The following TULP4 variants were observed in gnomAD, a reference collection of about 807,000 sequenced individuals.
TULP4 encodes the protein tubby-related protein 4.
A neutral mutation model predicts 129.0 loss-of-function variants in TULP4; 16 were observed. That is an observed-to-expected ratio of 0.12 (90% confidence interval 0.08 to 0.19). The LOEUF (loss-of-function observed/expected upper bound fraction) is 0.19, where lower values mean the gene tolerates loss of function less well. Among genes scored for constraint, TULP4 ranks in the 10% least tolerant of loss-of-function variants. The pLI, the probability that TULP4 is intolerant of heterozygous loss-of-function variation, is 1.00. For synonymous variants in TULP4, 998 were observed against 854.0 expected, an observed-to-expected ratio of 1.17 and a Z score of -2.94; for missense variants, 1,842 against 2,059.1, an observed-to-expected ratio of 0.89 and a Z score of 2.04.
At chr6:158,240,047 C>T (rs1419841632) in intron 1 of TULP4, among the ~76,000 whole-genome samples, 14 of 85,634 alleles carry the variant, frequency 1.6e-4, no homozygotes, top group East Asian at 5.0e-4. Context: ...GGGGGCTGAC[C>T]CCCCCACCTC....
intron 1 of TULP4, among the ~76,000 whole-genome samples, chr6:158,348,074 A>G (rs1246882814): frequency 1.3e-5 from 2 of 151,736 alleles, no homozygotes; most frequent in Non-Finnish European, 2.9e-5. Flanking sequence ...TATTTCTAGC[A>G]ATTGATCACT....
At chr6:158,265,252 T>A (rs1778426889) in intron 1 of TULP4, among the ~76,000 whole-genome samples, 1 of 152,212 alleles carries the variant, frequency 6.6e-6, no homozygotes, top group African/African-American at 2.4e-5. Flanking sequence ...ATTCCTGGTC[T>A]GATTCTTTTT....
chr6:158,276,786 TA>T (rs1469265344), intron 1 of TULP4, among the ~76,000 whole-genome samples: 2 of 152,112 alleles, frequency 1.3e-5, no homozygotes, highest in African/African-American at 4.8e-5. Flanking sequence ...TATATTTACA[TA>T]AATGTATATT....
At chr6:158,272,600 A>C (rs1047941922) in intron 1 of TULP4, among the ~76,000 whole-genome samples, 3 of 152,190 alleles carry the variant, frequency 2.0e-5, no homozygotes, top group Non-Finnish European at 4.4e-5. Context: ...CAGCTGCCTG[A>C]GATAGGTTTT....
rs1158093109 is a variant in TULP4, at chr6:158,493,586, G to A, written c.1645G>A (p.Ala549Thr). Reference sequence around the variant, plus strand: ...TTGCCTCCCCAGGATCAGCATTGAGGCCCGCAAGTCACCCAAGCTGCCCCG... The same window carrying A: ...TTGCCTCCCCAGGATCAGCATTGAGACCCGCAAGTCACCCAAGCTGCCCCG... ...SPKLPRISIE[A>T]RKSPKLPRAA... The change falls in exon 10 of 14, where the codon GCC becomes ACC. Residue 549 changes from alanine (A) to threonine (T), a missense_variant. Physicochemically the swap from Ala to Thr is moderately conservative, Grantham distance 58. Transcript: ENST00000367097. This position sits in a 1 kb window ranked among gnomAD's most constrained non-coding sequence, Gnocchi z 4.4. The A allele has an allele frequency of 2.6e-6, 4 of 1,544,258 alleles. No homozygotes were observed. The highest frequency in any genetic ancestry group is 2.4e-5 in the South Asian group (2 of 81,850).
intron 1 of TULP4, among the ~76,000 whole-genome samples, chr6:158,370,457 C>CAA (rs533005080): frequency 0.055 from 1,581 of 28,868 alleles, 238 homozygotes; most frequent in Non-Finnish European, 0.058. Flanking sequence ...AACTCCATCT[C>CAA]AAAAAAAAAA....
At chr6:158,288,440 A>T (rs1018267946) in intron 1 of TULP4, among the ~76,000 whole-genome samples, 4 of 152,082 alleles carry the variant, frequency 2.6e-5, no homozygotes, top group African/African-American at 9.7e-5. Context: ...TTGTAGGTAA[A>T]TATCCTTTAT....
intron 1 of TULP4, among the ~76,000 whole-genome samples, chr6:158,299,138 C>T (rs1286012144): frequency 1.3e-5 from 2 of 148,302 alleles, no homozygotes; most frequent in Admixed American, 6.8e-5. Context: ...AGGCCTCGGT[C>T]GGGGTGGGGG....
At chr6:158,452,342 A>C in intron 5 of TULP4, 74 bp downstream of exon 5, 1 of 1,561,298 alleles carries the variant, frequency 6.4e-7, no homozygotes, top group East Asian at 2.3e-5. Flanking sequence ...GGTCTTGTAC[A>C]CTCTGTGCTT....
At position 158,503,342 on chromosome 6, in the gene TULP4, C is replaced by T; in HGVS notation, c.3679C>T (p.Leu1227Phe). 6 of 1,613,732 alleles carry T rather than the reference C, an allele frequency of 3.7e-6. No homozygotes were observed. Among genetic ancestry groups the T allele is most frequent in the Non-Finnish European group, 3.4e-6 (4 of 1,179,948 alleles). ...QFAQQEPAVV[L>F]QPLYPPSLSY... ...TGCACAACAGGAGCCTGCTGTGGTC[C>T]TTCAGCCGCTGTACCCACCCAGCCT... Residue 1227 changes from leucine to phenylalanine, a missense_variant, in exon 13 of 14, where the codon CTT becomes TTT. Transcript: ENST00000367097. The surrounding 1 kb of genome is among the most constrained non-coding windows in gnomAD (Gnocchi z 4.3).
In TULP4 at chr6:158,493,556, T is replaced by A; in HGVS notation, c.1632-17T>A. On this transcript the variant is annotated splice_polypyrimidine_tract_variant and intron_variant, in intron 9 of 13. Coordinates refer to ENST00000367097, the MANE Select transcript of TULP4 (RefSeq NM_020245.5). This position sits in a 1 kb window ranked among gnomAD's most constrained non-coding sequence, Gnocchi z 4.4. The stretch of plus-strand genomic sequence containing the variant: ...CCCGCCACGGATGCCTGACCCCTCC[T>A]GGCCTTGCCTCCCCAGGATCAGCAT... 1.4e-6 allele frequency: 2 copies of A among 1,479,730 alleles called. No homozygotes were observed. Among genetic ancestry groups the A allele is most frequent in the Non-Finnish European group, 1.8e-6 (2 of 1,114,116 alleles). The allele number at this position is 1,479,730 out of a possible 1,614,324, so 91.7% of individuals were successfully genotyped here. A position where few individuals can be genotyped will look rare whatever the true frequency, so the allele number is the denominator to read the frequency against.
intron 1 of TULP4, among the ~76,000 whole-genome samples, chr6:158,284,868 G>A (rs1778810179): frequency 6.6e-6 from 1 of 152,234 alleles, no homozygotes; most frequent in African/African-American, 2.4e-5. Flanking sequence ...TTCCTTGCCT[G>A]TGGAATGGGG....
chr6:158,314,385 C>T (rs1040407275), intron 1 of TULP4, 117 bp downstream of exon 1: 2 of 1,250,744 alleles, frequency 1.6e-6, no homozygotes, highest in African/African-American at 1.5e-5. Flanking sequence ...TGAGACTTCC[C>T]ATGCTGTGAG....
chr6:158,377,959 G>A (rs1237692871), intron 1 of TULP4, among the ~76,000 whole-genome samples: 4 of 152,118 alleles, frequency 2.6e-5, no homozygotes, highest in Admixed American at 2.6e-4. Flanking sequence ...GCTAGACTCA[G>A]TTATGTGTCT....
intron 1 of TULP4, among the ~76,000 whole-genome samples, chr6:158,328,005 T>G (rs1779783230): frequency 6.6e-6 from 1 of 152,028 alleles, no homozygotes; most frequent in South Asian, 2.1e-4. Flanking sequence ...TCCGTAGTGG[T>G]CCAGTTTCTT....
chr6:158,486,411 G>T (rs1218095125), intron 8 of TULP4, among the ~76,000 whole-genome samples: 1 of 152,056 alleles, frequency 6.6e-6, no homozygotes, highest in Non-Finnish European at 1.5e-5. Context: ...AAATTAGCCG[G>T]GCGTGGTGGC....
At chr6:158,299,035 G>A (rs77740226) in intron 1 of TULP4, among the ~76,000 whole-genome samples, 6 of 152,022 alleles carry the variant, frequency 3.9e-5, no homozygotes, top group Admixed American at 1.3e-4. Context: ...AGACAGAAAC[G>A]TTTCCCCTTC....
upstream of TULP4, among the ~76,000 whole-genome samples, chr6:158,309,300 G>A (rs1384722105): frequency 1.1e-4 from 15 of 140,128 alleles, no homozygotes; most frequent in African/African-American, 3.5e-4. Flanking sequence ...ACGGGGCGGC[G>A]GGGCAGAGGC....
At chr6:158,335,948 A>G (rs544673622) in intron 1 of TULP4, among the ~76,000 whole-genome samples, 5 of 152,354 alleles carry the variant, frequency 3.3e-5, no homozygotes, top group African/African-American at 1.2e-4. Context: ...CTTCAGGGTA[A>G]ATTCTTAGAA....
Sources: gnomAD v4.1 joint callset for allele counts (sites outside exome capture counted in the v4.1 genomes callset) on GRCh38, gnomAD v4.1.1 for gene constraint, Gnocchi (gnomAD v3.1) non-coding constraint, MANE v1.5 for transcripts, NCBI Gene and HGNC (gene_info 2026-07-23, HGNC 2026-07-21) for gene names.